The following DECR2 variants were observed in gnomAD, a reference collection of about 807,000 sequenced individuals.
DECR2 encodes the protein peroxisomal 2,4-dienoyl-CoA reductase [(3E)-enoyl-CoA-producing].
DECR2 carries 34 observed loss-of-function variants against 29.2 expected under a neutral mutation model. The observed-to-expected ratio is 1.16, with a 90% CI of 0.89 to 1.55. DECR2 has a LOEUF of 1.55. DECR2 is among the 40% of genes most tolerant of loss of function. The pLI is 0.00. For missense variants in DECR2, 485 were observed against 425.3 expected, an observed-to-expected ratio of 1.14 and a Z score of -1.23; for synonymous variants, 224 against 182.7, an observed-to-expected ratio of 1.23 and a Z score of -1.82.
intron 4 of DECR2, among the ~76,000 whole-genome samples, chr16:407,796 G>C (rs1433567249): frequency 9.8e-5 from 8 of 81,654 alleles, no homozygotes; most frequent in Admixed American, 1.1e-4. Context: ...CTGTCTCCGG[G>C]CTCTGTCTCC....
At chr16:406,438 T>G in intron 3 of DECR2, 41 bp downstream of exon 3, 2 of 1,591,476 alleles carry the variant, frequency 1.3e-6, no homozygotes, top group Non-Finnish European at 1.7e-6. Context: ...CGGGTGGCTG[T>G]GGGGGGGCTG....
rs1180252321 is a variant in DECR2 at position 409,162 on chromosome 16, TATTTTTATTG to T, written c.338-1071_338-1062del. Among the ~76,000 whole-genome samples the T allele has an allele frequency of 6.9e-3, 1,042 of 151,228 alleles. 10 individuals carry two copies. Among genetic ancestry groups the T allele is most frequent in the African/African-American group, 0.022 (907 of 41,228 alleles). On this transcript the variant is annotated intron_variant, in intron 4 of 8. Transcript: ENST00000219481. ...CTTTTATTTTTATTTCTTTATTTTTTATTTTTATTGATTTTTATTTTTATTTTTTGAGAGA... is the reference window on the plus strand; with the variant it reads ...CTTTTATTTTTATTTCTTTATTTTTTATTTTTATTTTTATTTTTTGAGAGA...
chr16:404,008 C>G lies in DECR2; in HGVS notation c.81-948C>G, dbSNP rs141867282. Among the ~76,000 whole-genome samples the G allele has an allele frequency of 9.6e-3, 1,456 of 151,420 alleles. 25 individuals are homozygous for G. The highest frequency in any genetic ancestry group is 0.033 in the African/African-American group (1,380 of 41,322). ...CTAACACGGTGAAACCTCATCTCTA[C>G]TAAAAATACAAAAAATTAGCTGGGC... On this transcript the variant is annotated intron_variant, in intron 1 of 8. Coordinates refer to ENST00000219481, the MANE Select transcript of DECR2 (RefSeq NM_020664.4).
intron 4 of DECR2, among the ~76,000 whole-genome samples, chr16:408,611 C>T (rs896247433): frequency 6.6e-6 from 1 of 151,436 alleles, no homozygotes; most frequent in African/African-American, 2.4e-5. Flanking sequence ...GGGCTCAAGC[C>T]ATCCTCCTGC....
chr16:402,066 G>A, intron 1 of DECR2, 23 bp downstream of exon 1: 1 of 1,347,344 alleles, frequency 7.4e-7, no homozygotes, highest in Admixed American at 3.5e-5. Flanking sequence ...TGGGAAGCGA[G>A]CGCAGCCTTG....
chr16:410,897 GC>G lies in DECR2; in HGVS notation c.557-74del. The G allele has an allele frequency of 6.5e-7, 1 of 1,533,642 alleles. No homozygotes were observed. The highest frequency in any genetic ancestry group is 8.8e-7 in the Non-Finnish European group (1 of 1,134,932). ...TTGAAGCTGAGCCCAGCTGCAGGCA[GC>G]GAGACCTGGCCTTGGCCCTGCGCCC... On this transcript the variant is annotated intron_variant, in intron 6 of 8. Coordinates refer to ENST00000219481, the MANE Select transcript of DECR2 (RefSeq NM_020664.4). The surrounding 1 kb of genome is among the most constrained non-coding windows in gnomAD (Gnocchi z 4.1).
rs762327591 is a variant in DECR2 at position 410,963 on chromosome 16, T to C, written c.557-9T>C. On this transcript the variant is annotated splice_polypyrimidine_tract_variant and intron_variant, in intron 6 of 8. Transcript: ENST00000219481. This position sits in a 1 kb window ranked among gnomAD's most constrained non-coding sequence, Gnocchi z 4.1. ...GCGGCCCTTTCATATCCAACTTTCT[T>C]CTGTGCAGACGCGATGACGCGGCAC... 4 of 1,590,954 alleles carry C rather than the reference T, an allele frequency of 2.5e-6. No individual in the cohort carries two copies. The highest frequency in any genetic ancestry group is 3.4e-6 in the Non-Finnish European group (4 of 1,168,782).
Position 401,922 on chromosome 16 carries a change from C to T in DECR2, c.-42C>T, listed in dbSNP as rs2054670443. ...GCGCGCCGGGTCCTGGAGGCCGAGG[C>T]CGCTCCCGCCCGTTGTCCCCGCAGT... On this transcript the variant is annotated 5_prime_UTR_variant, in exon 1 of 9. Coordinates refer to ENST00000219481, the MANE Select transcript of DECR2 (RefSeq NM_020664.4). 8.9e-6 allele frequency: 13 copies of T among 1,465,898 alleles called. No individual in the cohort carries two copies. Among genetic ancestry groups the T allele is most frequent in the East Asian group, 3.0e-5 (1 of 33,200 alleles). The allele number at this position is 1,465,898 out of a possible 1,614,324, so 90.8% of individuals were successfully genotyped here.
intron 4 of DECR2, among the ~76,000 whole-genome samples, chr16:408,498 G>A (rs938173291): frequency 6.7e-6 from 1 of 150,062 alleles, no homozygotes; most frequent in African/African-American, 2.5e-5. Context: ...CTGAAATTCC[G>A]TCTTTAAAAA....
chr16:406,330 G>A lies in DECR2; in HGVS notation c.150-16G>A. The A allele has an allele frequency of 6.2e-7, 1 of 1,605,628 alleles. No individual in the cohort carries two copies. The highest frequency in any genetic ancestry group is 1.1e-5 in the South Asian group (1 of 91,056). ...CCTCGCCCACACTGCCCTCACACCTGCTTCTGGTTTTGCAGGCACGGCTGC... is the reference window on the plus strand; with the variant it reads ...CCTCGCCCACACTGCCCTCACACCTACTTCTGGTTTTGCAGGCACGGCTGC... On this transcript the variant is annotated splice_polypyrimidine_tract_variant and intron_variant, in intron 2 of 8. Transcript: ENST00000219481.
At position 406,464 on chromosome 16, in the gene DECR2, C is replaced by T; in HGVS notation, c.201+67C>T. 3.9e-6 allele frequency: 6 copies of T among 1,551,166 alleles called. No individual in the cohort carries two copies. The South Asian group carries it at 6.7e-5, about 17-fold the overall frequency. On this transcript the variant is annotated intron_variant, in intron 3 of 8. Coordinates refer to ENST00000219481, the MANE Select transcript of DECR2 (RefSeq NM_020664.4). The stretch of plus-strand genomic sequence containing the variant: ...GGGGGGGCTGGGGCTGGGCCTGGGC[C>T]AGGAGAGTCCAGAGGCTATGGGGAT...
rs925448205 is a variant in DECR2, at chr16:401,959, G to A, written c.-5G>A. The A allele has an allele frequency of 6.1e-6, 9 of 1,484,718 alleles. No homozygotes were observed. Among genetic ancestry groups the A allele is most frequent in the African/African-American group, 1.5e-5 (1 of 68,694 alleles). 92.0% of individuals were successfully genotyped at this position (1,484,718 alleles called of 1,614,324 possible). A position where few individuals can be genotyped will look rare whatever the true frequency, so the allele number is the denominator to read the frequency against. The stretch of plus-strand genomic sequence containing the variant: ...GTTGTCCCCGCAGTCCCCGACGGGA[G>A]CGCCATGGCCCAGCCGCCGCCCGAC... On this transcript the variant is annotated 5_prime_UTR_variant, in exon 1 of 9. Coordinates refer to ENST00000219481, the MANE Select transcript of DECR2 (RefSeq NM_020664.4).
At chr16:404,910 C>T (rs551205084) in intron 1 of DECR2, 46 bp from the exon 2 acceptor site, 68 of 1,607,234 alleles carry the variant, frequency 4.2e-5, no homozygotes, top group Middle Eastern at 1.7e-4. Flanking sequence ...GCCACCGGCC[C>T]GGCCCAATAG....
intron 1 of DECR2, chr16:403,072 T>TC: frequency 2.0e-6 from 2 of 978,586 alleles, no homozygotes; most frequent in Non-Finnish European, 2.4e-6. Flanking sequence ...AAGTTTTTTT[T>TC]CGAAACGGAG....
intron 3 of DECR2, chr16:406,602 A>G: frequency 1.6e-6 from 1 of 638,346 alleles, no homozygotes; most frequent in South Asian, 1.9e-5. Flanking sequence ...GGATCAAGCG[A>G]TTCTCCTGCC....
intron 1 of DECR2, among the ~76,000 whole-genome samples, chr16:404,160 G>T (rs985632650): frequency 2.0e-5 from 3 of 151,704 alleles, no homozygotes; most frequent in African/African-American, 7.3e-5. Flanking sequence ...GCGACAGAGC[G>T]AGACTCCATC....
At chr16:405,651 G>A (rs778917640) in intron 2 of DECR2, 32 of 1,259,590 alleles carry the variant, frequency 2.5e-5, no homozygotes, top group South Asian at 2.5e-4. Flanking sequence ...GACAGATCCC[G>A]TTTGTCTGTG....
rs1426676825 is a variant in DECR2, at chr16:411,356, T to C, written c.662-5T>C. ...ACGGGGCCTGAGCCTTCTGCTGCCC[T>C]CCAGGTGGCCCTCAGGCCAGCCTGA... is the stretch of plus-strand genomic sequence containing the variant. On this transcript the variant is annotated splice_polypyrimidine_tract_variant and splice_region_variant and intron_variant, in intron 7 of 8. Coordinates refer to ENST00000219481, the MANE Select transcript of DECR2 (RefSeq NM_020664.4). 1 of 1,603,026 alleles carries C rather than the reference T, an allele frequency of 6.2e-7. No individual in the cohort carries two copies. The highest frequency in any genetic ancestry group is 1.1e-5 in the South Asian group (1 of 90,818).
At position 410,718 on chromosome 16, in the gene DECR2, A is replaced by G. The variant is rs1300048973; in HGVS notation, c.490A>G (p.Thr164Ala). ...CCACGGAGGGGTGATCGTGAACATC[A>G]CTGCCACCCTGGGGAACCGGGGGCA... The part of the protein sequence containing the change: ...RDHGGVIVNI[T>A]ATLGNRGQAL... The change falls in exon 6 of 9, where the codon ACT becomes GCT. Residue 164 changes from threonine (T) to alanine (A), a missense_variant. Transcript: ENST00000219481. The surrounding 1 kb of genome is among the most constrained non-coding windows in gnomAD (Gnocchi z 4.1). 1.9e-6 allele frequency: 3 copies of G among 1,607,742 alleles called. No homozygotes were observed. The South Asian group carries it at 3.3e-5, about 18-fold the overall frequency.
Sources: gnomAD v4.1 joint callset for allele counts (sites outside exome capture counted in the v4.1 genomes callset) on GRCh38, gnomAD v4.1.1 for gene constraint, Gnocchi (gnomAD v3.1) non-coding constraint, MANE v1.5 for transcripts, NCBI Gene and HGNC (gene_info 2026-07-23, HGNC 2026-07-21) for gene names.